The following MAPKAPK2 variants were observed in gnomAD, a reference collection of about 807,000 sequenced individuals.
MAPKAPK2 encodes the protein MAPK activated protein kinase 2, also known as MAP kinase-activated protein kinase 2.
In MAPKAPK2, 9 loss-of-function variants were observed where a neutral mutation model predicts 48.8. The observed-to-expected ratio is 0.18, with a 90% CI of 0.11 to 0.32. The LOEUF is 0.32. Ranked by LOEUF, MAPKAPK2 falls within the 10% of genes least tolerant of loss-of-function variation. The pLI, the probability that MAPKAPK2 is intolerant of heterozygous loss-of-function variation, is 1.00. For synonymous variants in MAPKAPK2, 202 were observed against 190.6 expected (o/e 1.06, Z -0.49); for missense variants, 331 against 498.3 (o/e 0.66, Z 3.20).
At chr1:206,712,415 A>G (rs1673185227) in intron 1 of MAPKAPK2, among the ~76,000 whole-genome samples, 1 of 152,202 alleles carries the variant, frequency 6.6e-6, no homozygotes, top group Admixed American at 6.5e-5. Flanking sequence ...CTGGCTTCAG[A>G]ACCTTGGCTC....
chr1:206,711,394 G>A (rs188082886), intron 1 of MAPKAPK2, among the ~76,000 whole-genome samples: 1 of 152,182 alleles, frequency 6.6e-6, no homozygotes, highest in Admixed American at 6.5e-5. Flanking sequence ...GGTACCACAG[G>A]TGCGTACCAC....
chr1:206,716,184 C>A (rs1383828980), intron 1 of MAPKAPK2, among the ~76,000 whole-genome samples: 1 of 151,368 alleles, frequency 6.6e-6, no homozygotes, highest in Non-Finnish European at 1.5e-5. Flanking sequence ...TTCCTTGTAT[C>A]TTCAGCTGTG....
rs189067311 is a variant in MAPKAPK2, at chr1:206,708,951, A to G, written c.280-19759A>G. Among the ~76,000 whole-genome samples, 173 of 152,298 alleles carry G rather than the reference A, an allele frequency of 1.1e-3. 1 individual carries two copies. The highest frequency in any genetic ancestry group is 4.1e-3 in the African/African-American group (169 of 41,550). On this transcript the variant is annotated intron_variant, in intron 1 of 9. Coordinates refer to ENST00000367103, the MANE Select transcript of MAPKAPK2 (RefSeq NM_032960.4). ...AGTTTGTTATGCTGAGCAGTATTCCATTGTATAGATATGATAAAATTTGCT... is the reference window on the plus strand; with the variant it reads ...AGTTTGTTATGCTGAGCAGTATTCCGTTGTATAGATATGATAAAATTTGCT...
intron 1 of MAPKAPK2, chr1:206,696,319 A>C (rs1420230806): frequency 2.4e-6 from 2 of 820,192 alleles, no homozygotes; most frequent in African/African-American, 3.3e-5. Context: ...GCACCTCTTT[A>C]GATATCGGAT....
chr1:206,702,655 T>C (rs1176541387), intron 1 of MAPKAPK2, among the ~76,000 whole-genome samples: 1 of 152,186 alleles, frequency 6.6e-6, no homozygotes, highest in Non-Finnish European at 1.5e-5. Context: ...TAATGACAGA[T>C]GTCATTTCTG....
intron 1 of MAPKAPK2, among the ~76,000 whole-genome samples, chr1:206,694,658 C>T (rs1215519410): frequency 6.6e-6 from 1 of 152,328 alleles, no homozygotes; most frequent in South Asian, 2.1e-4. Flanking sequence ...TTGGCTTCTG[C>T]AGAGCTCAAA....
In MAPKAPK2 at chr1:206,721,921, C is replaced by T. The variant is rs191682512; in HGVS notation, c.280-6789C>T. Among the ~76,000 whole-genome samples the T allele has an allele frequency of 9.9e-3, 1,504 of 152,156 alleles. 20 individuals are homozygous for T. The highest frequency in any genetic ancestry group is 0.035 in the African/African-American group (1,457 of 41,500). On this transcript the variant is annotated intron_variant, in intron 1 of 9. Transcript: ENST00000367103. ...TCTCTACTAAAAATACAAAATTAGC[C>T]GGGCATGGTGGCACACGCCTGTAAT...
intron 1 of MAPKAPK2, among the ~76,000 whole-genome samples, chr1:206,697,494 AG>A: frequency 6.6e-6 from 1 of 150,880 alleles, no homozygotes; most frequent in Admixed American, 6.6e-5. Flanking sequence ...GGGAAGTTGA[AG>A]GGGGAGCAGG....
intron 1 of MAPKAPK2, among the ~76,000 whole-genome samples, chr1:206,698,699 A>G (rs1672705055): frequency 6.6e-6 from 1 of 152,182 alleles, no homozygotes; most frequent in Non-Finnish European, 1.5e-5. Context: ...GAAAGTCCCC[A>G]TTTTACAGAA....
In MAPKAPK2 at chr1:206,731,258, G is replaced by A. The variant is rs782712571; in HGVS notation, c.888G>A (p.Glu296=). ...FPNPEWSEVS[E]EVKMLIRNLL... ...ACCCAGAATGGTCAGAAGTATCAGA[G>A]GAAGGTAAGAACCCAGGCTTTCAGG... is the stretch of plus-strand genomic sequence containing the variant. Residue 296 remains glutamate, a synonymous_variant, in exon 7 of 10, where the codon GAG becomes GAA. Transcript: ENST00000367103. The surrounding 1 kb of genome is among the most constrained non-coding windows in gnomAD (Gnocchi z 5.9). 6.2e-7 allele frequency: 1 copy of A among 1,614,206 alleles called. No individual in the cohort carries two copies. Among genetic ancestry groups the A allele is most frequent in the Non-Finnish European group, 8.5e-7 (1 of 1,180,028 alleles).
rs1198110565 is a variant in MAPKAPK2, at chr1:206,704,670, TATGAAGTCTAATGGTCCTTCCAG to T, written c.279+19164_279+19186del. On this transcript the variant is annotated intron_variant, in intron 1 of 9. Coordinates refer to ENST00000367103, the MANE Select transcript of MAPKAPK2 (RefSeq NM_032960.4). The surrounding 1 kb of genome is among the most constrained non-coding windows in gnomAD (Gnocchi z 4.3). ...GGGTGTGCATGGGTTCAGTCCCTTT[TATGAAGTCTAATGGTCCTTCCAG>T]AAGCTTCATCATCATTTGAACTGAA... is the stretch of plus-strand genomic sequence containing the variant. 1.7e-4 allele frequency among the ~76,000 whole-genome samples: 26 copies of T among 152,234 alleles called. No homozygotes were observed. Among genetic ancestry groups the T allele is most frequent in the African/African-American group, 4.6e-4 (19 of 41,458 alleles).
intron 1 of MAPKAPK2, among the ~76,000 whole-genome samples, chr1:206,712,822 T>C (rs1673197494): frequency 6.6e-6 from 1 of 151,974 alleles, no homozygotes. Flanking sequence ...AAAAATTTGC[T>C]GAGTGTGGTG....
intron 1 of MAPKAPK2, among the ~76,000 whole-genome samples, chr1:206,685,750 C>T (rs1553425508): frequency 2.6e-5 from 4 of 151,516 alleles, no homozygotes; most frequent in African/African-American, 9.7e-5. Flanking sequence ...CTCCTGGGGA[C>T]TCAGGGGACC....
intron 1 of MAPKAPK2, 97 bp from the exon 2 acceptor site, chr1:206,728,613 T>G (rs1673786823): frequency 5.0e-6 from 7 of 1,388,702 alleles, no homozygotes; most frequent in African/African-American, 1.4e-5. Flanking sequence ...GTGGGGGGTT[T>G]GTGGTATGTC....
rs6701321 is a variant in MAPKAPK2 at position 206,704,509 on chromosome 1, C to G, written c.279+19001C>G. 6.6e-6 allele frequency among the ~76,000 whole-genome samples: 1 copy of G among 152,158 alleles called. No homozygotes were observed. Among genetic ancestry groups the G allele is most frequent in the South Asian group, 2.1e-4 (1 of 4,826 alleles). On this transcript the variant is annotated intron_variant, in intron 1 of 9. Transcript: ENST00000367103. This position sits in a 1 kb window ranked among gnomAD's most constrained non-coding sequence, Gnocchi z 4.3. ...AGCAGTCACCCAACTTCCTTTATAGCCGGATACAAAACAGTGCCTGAGGTC... is the reference window on the plus strand; with the variant it reads ...AGCAGTCACCCAACTTCCTTTATAGGCGGATACAAAACAGTGCCTGAGGTC...
At chr1:206,699,892 A>G (rs1206564436) in intron 1 of MAPKAPK2, among the ~76,000 whole-genome samples, 4 of 152,058 alleles carry the variant, frequency 2.6e-5, no homozygotes, top group Non-Finnish European at 5.9e-5. Flanking sequence ...TCCTGTGACA[A>G]AGGAAGTTGC....
At chr1:206,730,170 G>T in intron 5 of MAPKAPK2, 72 bp downstream of exon 5, 1 of 1,579,484 alleles carries the variant, frequency 6.3e-7, no homozygotes, top group Non-Finnish European at 8.7e-7. Flanking sequence ...TTGGCTATCT[G>T]GGGGGCCGCA....
chr1:206,728,465 C>G (rs560310561), intron 1 of MAPKAPK2, among the ~76,000 whole-genome samples: 1 of 152,064 alleles, frequency 6.6e-6, no homozygotes, highest in Non-Finnish European at 1.5e-5. Flanking sequence ...TAAGCTGGAC[C>G]GAATGGCCTG....
chr1:206,687,294 A>C (rs1672316375), intron 1 of MAPKAPK2, among the ~76,000 whole-genome samples: 1 of 152,222 alleles, frequency 6.6e-6, no homozygotes, highest in Non-Finnish European at 1.5e-5. Context: ...TTTGAGTGGC[A>C]ATTCAGATTT....
Sources: gnomAD v4.1 joint callset for allele counts (sites outside exome capture counted in the v4.1 genomes callset) on GRCh38, gnomAD v4.1.1 for gene constraint, Gnocchi (gnomAD v3.1) non-coding constraint, MANE v1.5 for transcripts, NCBI Gene and HGNC (gene_info 2026-07-23, HGNC 2026-07-21) for gene names.